Variants in WWOX observed in about 807,000 individuals in gnomAD.
The protein encoded by WWOX is WW domain containing oxidoreductase, also known as WW domain-containing oxidoreductase.
A neutral mutation model predicts 46.2 loss-of-function variants in WWOX; 69 were observed. The observed-to-expected ratio is 1.49, with a 90% CI of 1.23 to 1.82. The LOEUF (loss-of-function observed/expected upper bound fraction) is 1.82. Among genes scored for constraint, WWOX ranks in the 40% most tolerant of loss-of-function variants. WWOX has a pLI of 0.00. For missense variants in WWOX, 919 were observed against 542.6 expected (o/e 1.69, Z -6.89); for synonymous variants, 359 against 202.6 (o/e 1.77, Z -6.56).
chr16:79,113,851 A>C (rs2049461502), intron 8 of WWOX, among the ~76,000 whole-genome samples: 1 of 152,218 alleles, frequency 6.6e-6, no homozygotes, highest in African/African-American at 2.4e-5. Flanking sequence ...CCTTAATGAC[A>C]ATTTGCTTTC....
intron 5 of WWOX, among the ~76,000 whole-genome samples, chr16:78,382,355 G>T (rs556073395): frequency 6.6e-6 from 1 of 152,184 alleles, no homozygotes. Flanking sequence ...TCCACATGCC[G>T]TAGAGGCTGG....
chr16:79,138,195 A>G (rs1334502752), intron 8 of WWOX, among the ~76,000 whole-genome samples: 1 of 152,100 alleles, frequency 6.6e-6, no homozygotes, highest in Admixed American at 6.5e-5. Context: ...CACTTTCCAA[A>G]GGCCAGAAAT....
In WWOX at chr16:78,907,390, G is replaced by C. The variant is rs181332978; in HGVS notation, c.1057-304218G>C. 2.0e-5 allele frequency among the ~76,000 whole-genome samples: 3 copies of C among 152,328 alleles called. No individual in the cohort carries two copies. The East Asian group carries it at 5.8e-4, about 29-fold the overall frequency. ...GAAATTGCAAATCTTGTAACCTCTG[G>C]AATAATGGCTGCTAATCGTTTATGT... On this transcript the variant is annotated intron_variant, in intron 8 of 8. Transcript: ENST00000566780.
chr16:78,946,272 C>T (rs992745032), intron 8 of WWOX, among the ~76,000 whole-genome samples: 1 of 152,122 alleles, frequency 6.6e-6, no homozygotes, highest in Admixed American at 6.5e-5. Flanking sequence ...CTCACTGCAG[C>T]CTCCAACTCC....
chr16:78,559,269 G>C lies in WWOX; in HGVS notation c.1056+126517G>C, dbSNP rs1336436096. Among the ~76,000 whole-genome samples the C allele has an allele frequency of 2.6e-5, 4 of 152,208 alleles. No individual in the cohort carries two copies. The East Asian group carries it at 7.7e-4, about 29-fold the overall frequency. ...GGACCATGCATGTATTTTAGAAAGA[G>C]CCCTCTGGCTTCAGGGAAGAACGAT... On this transcript the variant is annotated intron_variant, in intron 8 of 8. Transcript: ENST00000566780.
chr16:78,652,570 A>G (rs756877969), intron 8 of WWOX, among the ~76,000 whole-genome samples: 1 of 152,112 alleles, frequency 6.6e-6, no homozygotes. Context: ...TGCTCCAGGT[A>G]TTTCTCAGCG....
intron 8 of WWOX, among the ~76,000 whole-genome samples, chr16:78,506,242 T>C (rs1177595800): frequency 1.3e-5 from 2 of 152,230 alleles, no homozygotes; most frequent in Non-Finnish European, 2.9e-5. Flanking sequence ...ACAGGCTGTG[T>C]TCTCCTGGCC....
intron 5 of WWOX, among the ~76,000 whole-genome samples, chr16:78,333,008 C>T (rs536817065): frequency 7.0e-6 from 1 of 142,668 alleles, no homozygotes; most frequent in East Asian, 2.0e-4. Flanking sequence ...AGATTCTTCG[C>T]TTGGGTATTC....
chr16:78,817,970 C>T (rs1189798587), intron 8 of WWOX, among the ~76,000 whole-genome samples: 1 of 152,128 alleles, frequency 6.6e-6, no homozygotes, highest in Non-Finnish European at 1.5e-5. Context: ...GAATTAACAC[C>T]TATGGAAGGG....
chr16:78,633,349 G>T (rs906941821), intron 8 of WWOX, among the ~76,000 whole-genome samples: 2 of 152,182 alleles, frequency 1.3e-5, no homozygotes, highest in Non-Finnish European at 2.9e-5. Context: ...TCGGGACAGG[G>T]CAGGGATTTG....
chr16:79,039,966 A>T (rs1462378044), intron 8 of WWOX, among the ~76,000 whole-genome samples: 1 of 152,164 alleles, frequency 6.6e-6, no homozygotes, highest in African/African-American at 2.4e-5. Flanking sequence ...TTGTAAATGC[A>T]TACGATCATG....
chr16:78,453,908 T>C (rs1430440884), intron 8 of WWOX, among the ~76,000 whole-genome samples: 1 of 152,222 alleles, frequency 6.6e-6, no homozygotes, highest in Non-Finnish European at 1.5e-5. Flanking sequence ...TTTTGTATCA[T>C]GAGTTTTCTT....
chr16:79,020,301 G>C (rs191697789), intron 8 of WWOX, among the ~76,000 whole-genome samples: 1 of 152,292 alleles, frequency 6.6e-6, no homozygotes, highest in African/African-American at 2.4e-5. Flanking sequence ...TTCTTAGGGA[G>C]GTGACTTTTT....
intron 8 of WWOX, among the ~76,000 whole-genome samples, chr16:78,631,759 C>G (rs1289644148): frequency 6.6e-6 from 1 of 152,112 alleles, no homozygotes; most frequent in Non-Finnish European, 1.5e-5. Context: ...CTCCTGGGCT[C>G]AAGCAATCTG....
intron 8 of WWOX, among the ~76,000 whole-genome samples, chr16:78,929,690 C>G (rs1047362242): frequency 6.6e-6 from 1 of 151,868 alleles, no homozygotes; most frequent in African/African-American, 2.4e-5. Context: ...GCAGCCAGCT[C>G]AGGAAAGATT....
At position 78,442,422 on chromosome 16, in the gene WWOX, C is replaced by G. The variant is rs184897631; in HGVS notation, c.1056+9670C>G. ...ACTGAAACTTAGGATCCTTTGACCA[C>G]TATCTCCCCATTTATCACCCCCTCC... On this transcript the variant is annotated intron_variant, in intron 8 of 8. Coordinates refer to ENST00000566780, the MANE Select transcript of WWOX (RefSeq NM_016373.4). 2.9e-3 allele frequency among the ~76,000 whole-genome samples: 439 copies of G among 152,224 alleles called. 1 individual carries two copies. Among genetic ancestry groups the G allele is most frequent in the Non-Finnish European group, 4.2e-3 (288 of 68,012 alleles).
At chr16:78,482,638 C>G (rs1234386506) in intron 8 of WWOX, among the ~76,000 whole-genome samples, 3 of 152,152 alleles carry the variant, frequency 2.0e-5, no homozygotes, top group Non-Finnish European at 4.4e-5. Context: ...GAAGTGGCTA[C>G]TATAATTATC....
intron 5 of WWOX, among the ~76,000 whole-genome samples, chr16:78,311,846 C>G (rs892963704): frequency 1.3e-5 from 2 of 152,080 alleles, no homozygotes; most frequent in Admixed American, 1.3e-4. Context: ...AACTTAGTGT[C>G]TTGAGACAAG....
chr16:78,321,420 G>GTA lies in WWOX; in HGVS notation c.517-65427_517-65426dup, dbSNP rs1215890742. 9.9e-4 allele frequency among the ~76,000 whole-genome samples: 125 copies of GTA among 126,784 alleles called. 8 individuals carry two copies. The highest frequency in any genetic ancestry group is 3.2e-3 in the African/African-American group (100 of 30,814). 83.2% of individuals were successfully genotyped at this position (126,784 alleles called of 152,430 possible). The stretch of plus-strand genomic sequence containing the variant: ...TATATATACGTATATATATATGTGT[G>GTA]TATATATATATATAAAAATATATTT... On this transcript the variant is annotated intron_variant, in intron 5 of 8. Transcript: ENST00000566780.
Sources: gnomAD v4.1 joint callset for allele counts (sites outside exome capture counted in the v4.1 genomes callset) on GRCh38, gnomAD v4.1.1 for gene constraint, MANE v1.5 for transcripts, NCBI Gene and HGNC (gene_info 2026-07-23, HGNC 2026-07-21) for gene names.